KIAA1217: variants seen among roughly 807,000 people sequenced by gnomAD.
KIAA1217 encodes the protein sickle tail protein homolog.
KIAA1217 carries 88 observed loss-of-function variants against 163.9 expected under a neutral mutation model. That is an observed-to-expected ratio of 0.54 (90% CI 0.45 to 0.64). KIAA1217 has a LOEUF of 0.64. Ranked by LOEUF, KIAA1217 falls within the 30% of genes least tolerant of loss-of-function variation. The probability of loss-of-function intolerance (pLI) is 0.00; values close to 1 mark genes in which losing one functional copy is unlikely to be tolerated. For missense variants in KIAA1217, 2,372 were observed against 2,475.0 expected (o/e 0.96, Z 0.88); for synonymous variants, 903 against 923.1 (o/e 0.98, Z 0.39).
intron 1 of KIAA1217, among the ~76,000 whole-genome samples, chr10:23,821,134 T>A (rs1390322842): frequency 6.7e-6 from 1 of 148,500 alleles, no homozygotes; most frequent in South Asian, 2.1e-4. Context: ...TGTGTGTGTG[T>A]GTGATACTAA....
At chr10:24,055,224 GC>G (rs1849808697) in intron 2 of KIAA1217, among the ~76,000 whole-genome samples, 1 of 152,144 alleles carries the variant, frequency 6.6e-6, no homozygotes, top group Non-Finnish European at 1.5e-5. Flanking sequence ...CTGAGAGGGT[GC>G]CACTGCACTT....
At chr10:24,285,495 T>C (rs1241131293) in intron 2 of KIAA1217, among the ~76,000 whole-genome samples, 4 of 152,190 alleles carry the variant, frequency 2.6e-5, no homozygotes, top group Non-Finnish European at 5.9e-5. Context: ...TTAGTCTTAT[T>C]GACTTTGTTG....
Position 24,156,921 on chromosome 10 carries a change from A to G in KIAA1217, c.-170-62705A>G, listed in dbSNP as rs191205497. On this transcript the variant is annotated intron_variant, in intron 2 of 18. Transcript: ENST00000376462. ...CCCATTTCTAGGAAACTGTGAGTAA[A>G]ACAACTTCCTTCACAACAGTCATTT... 1.9e-3 allele frequency among the ~76,000 whole-genome samples: 282 copies of G among 152,322 alleles called. 1 individual carries two copies. The highest frequency in any genetic ancestry group is 6.6e-3 in the African/African-American group (274 of 41,576).
chr10:24,544,469 A>G lies in KIAA1217; in HGVS notation c.5199A>G (p.Ser1733=), dbSNP rs2075472276. The part of the protein sequence containing the change: ...TALEPPTSIP[S]ASRKGSSGAP... ...TAGAGCCCCCTACGTCGATACCTTC[A>G]GCTTCACGTAAGGTATCTTGGTCTG... The change falls in exon 19 of 21, where the codon TCA becomes TCG. Residue 1733 remains serine, a synonymous_variant. Transcript: ENST00000376454. The G allele has an allele frequency of 6.2e-7, 1 of 1,611,088 alleles. No homozygotes were observed. Among genetic ancestry groups the G allele is most frequent in the Middle Eastern group, 1.7e-4 (1 of 6,046 alleles).
intron 2 of KIAA1217, among the ~76,000 whole-genome samples, chr10:24,167,236 C>T: frequency 6.6e-6 from 1 of 151,152 alleles, no homozygotes; most frequent in Non-Finnish European, 1.5e-5. Context: ...CACTGAATAA[C>T]AAAATAACAC....
At chr10:23,723,798 A>G (rs1837990429) in intron 1 of KIAA1217, among the ~76,000 whole-genome samples, 1 of 152,192 alleles carries the variant, frequency 6.6e-6, no homozygotes. Flanking sequence ...GTTAAAATTC[A>G]TATGTGACAA....
In KIAA1217 at chr10:24,331,270, G is replaced by A. The variant is rs78796215; in HGVS notation, c.355-49599G>A. ...TGAGGACATTTTAAAGAAGGAAGCA[G>A]AAGAATCAACTAGACTGATTGCCCT... On this transcript the variant is annotated intron_variant, in intron 2 of 20. Coordinates refer to ENST00000376454, the MANE Select transcript of KIAA1217 (RefSeq NM_019590.5). 2.9e-3 allele frequency among the ~76,000 whole-genome samples: 447 copies of A among 152,252 alleles called. 3 individuals carry two copies. Among genetic ancestry groups the A allele is most frequent in the African/African-American group, 1.0e-2 (414 of 41,552 alleles).
At position 24,495,134 on chromosome 10, in the gene KIAA1217, T is replaced by C; in HGVS notation, c.1785-13T>C. On this transcript the variant is annotated splice_polypyrimidine_tract_variant and intron_variant, in intron 7 of 20. Transcript: ENST00000376454. ...GGAAACTGCATAGCTGACTCTCTTTTTCTTTTATTCAGCGAGAAAATGATG... is the reference window on the plus strand; with the variant it reads ...GGAAACTGCATAGCTGACTCTCTTTCTCTTTTATTCAGCGAGAAAATGATG... The C allele has an allele frequency of 6.2e-7, 1 of 1,610,118 alleles. No homozygotes were observed. Among genetic ancestry groups the C allele is most frequent in the East Asian group, 2.2e-5 (1 of 44,832 alleles).
chr10:23,875,965 G>C (rs1222151472), intron 1 of KIAA1217, among the ~76,000 whole-genome samples: 1 of 149,906 alleles, frequency 6.7e-6, no homozygotes, highest in Non-Finnish European at 1.5e-5. Context: ...GGGGGGCTGG[G>C]TGAGGGATAG....
intron 1 of KIAA1217, among the ~76,000 whole-genome samples, chr10:23,708,245 C>T (rs894893854): frequency 6.6e-6 from 1 of 152,184 alleles, no homozygotes; most frequent in African/African-American, 2.4e-5. Flanking sequence ...TCCATTATCT[C>T]CTACCAGGTC....
At chr10:23,879,886 G>A (rs1840875677) in intron 1 of KIAA1217, among the ~76,000 whole-genome samples, 2 of 151,952 alleles carry the variant, frequency 1.3e-5, no homozygotes, top group South Asian at 4.1e-4. Context: ...GGAAGAAAGG[G>A]ATGTGTATGC....
At chr10:23,875,022 A>G (rs1416556697) in intron 1 of KIAA1217, among the ~76,000 whole-genome samples, 1 of 152,036 alleles carries the variant, frequency 6.6e-6, no homozygotes, top group Non-Finnish European at 1.5e-5. Context: ...AGCAAGAGAA[A>G]GATGAAAGAT....
chr10:24,378,067 G>C (rs982920553), intron 2 of KIAA1217, among the ~76,000 whole-genome samples: 1 of 152,060 alleles, frequency 6.6e-6, no homozygotes, highest in Admixed American at 6.6e-5. Context: ...ATACAGATTC[G>C]CTTTATTTTT....
intron 17 of KIAA1217, among the ~76,000 whole-genome samples, chr10:24,538,585 G>GAAGGAAGA (rs1263197813): frequency 9.6e-5 from 7 of 73,036 alleles, no homozygotes; most frequent in Admixed American, 8.4e-4. Context: ...AGGAAGGAAG[G>GAAGGAAGA]AAGGAAGGAA....
At chr10:23,934,649 G>A (rs1379016823) in intron 1 of KIAA1217, among the ~76,000 whole-genome samples, 9 of 113,766 alleles carry the variant, frequency 7.9e-5, no homozygotes, top group Admixed American at 7.2e-4. Context: ...ACGGAGTCTC[G>A]CTCTGTCACC....
chr10:24,330,703 C>A (rs2045562291), intron 2 of KIAA1217, among the ~76,000 whole-genome samples: 1 of 152,070 alleles, frequency 6.6e-6, no homozygotes, highest in African/African-American at 2.4e-5. Context: ...GTAACCTCCT[C>A]CTACCAAGCT....
At chr10:24,214,837 T>C (rs1364046805) in intron 1 of KIAA1217, among the ~76,000 whole-genome samples, 2 of 152,214 alleles carry the variant, frequency 1.3e-5, no homozygotes, top group Non-Finnish European at 2.9e-5. Flanking sequence ...AGGAATAGGA[T>C]CTCAGGGAAG....
At chr10:23,800,929 G>T (rs10828550) in intron 1 of KIAA1217, among the ~76,000 whole-genome samples, 27,561 of 152,020 alleles carry the variant, frequency 0.18, 2,647 homozygotes, top group Middle Eastern at 0.27. Context: ...ATTTCTCAAG[G>T]ATCTAGAACC....
intron 1 of KIAA1217, among the ~76,000 whole-genome samples, chr10:23,999,218 T>G (rs902921826): frequency 6.6e-6 from 1 of 152,204 alleles, no homozygotes; most frequent in African/African-American, 2.4e-5. Context: ...GTTGGTTGAT[T>G]TGAATTAGGA....
Sources: gnomAD v4.1 joint callset for allele counts (sites outside exome capture counted in the v4.1 genomes callset) on GRCh38, gnomAD v4.1.1 for gene constraint, MANE v1.5 for transcripts, NCBI Gene and HGNC (gene_info 2026-07-23, HGNC 2026-07-21) for gene names.